Variants in ABCC6 observed in about 807,000 individuals in gnomAD.
The protein encoded by ABCC6 is ATP binding cassette subfamily C member 6, also known as ATP-binding cassette sub-family C member 6.
In ABCC6, 126 loss-of-function variants were observed where a neutral mutation model predicts 169.5. The ratio of observed to expected loss-of-function variants is 0.74; its 90% CI spans 0.64 to 0.86. ABCC6 has a LOEUF of 0.86. Among genes scored for constraint, ABCC6 ranks in the 40% least tolerant of loss-of-function variants. The probability of loss-of-function intolerance (pLI) is 0.00; values close to 1 mark genes in which losing one functional copy is unlikely to be tolerated. For missense variants in ABCC6, 1,733 were observed against 1,927.2 expected (o/e 0.90, Z 1.89); for synonymous variants, 752 against 814.7 (o/e 0.92, Z 1.31).
At chr16:16,179,561 G>A (rs996000878) in intron 17 of ABCC6, among the ~76,000 whole-genome samples, 1 of 151,994 alleles carries the variant, frequency 6.6e-6, no homozygotes, top group African/African-American at 2.4e-5. Flanking sequence ...TACGTTGATT[G>A]TGCACTTCTA....
chr16:16,206,120 G>C (rs1255973386), intron 7 of ABCC6, among the ~76,000 whole-genome samples: 2 of 152,216 alleles, frequency 1.3e-5, no homozygotes, highest in Admixed American at 1.3e-4. Context: ...GTTTAACCCA[G>C]AGAGTCAGTG....
At chr16:16,186,996 G>A in intron 14 of ABCC6, 128 bp downstream of exon 14, 1 of 780,450 alleles carries the variant, frequency 1.3e-6, no homozygotes, top group Non-Finnish European at 2.2e-6. Context: ...GGCGTGATCT[G>A]CACGTGTCAT....
chr16:16,222,189 T>C (rs2049095821), intron 1 of ABCC6, among the ~76,000 whole-genome samples: 1 of 151,940 alleles, frequency 6.6e-6, no homozygotes, highest in Non-Finnish European at 1.5e-5. Context: ...TTAATCCTTA[T>C]AACAACTCCA....
intron 10 of ABCC6, among the ~76,000 whole-genome samples, chr16:16,196,679 A>G (rs113236571): frequency 1.1e-3 from 169 of 152,180 alleles, no homozygotes; most frequent in African/African-American, 3.8e-3. Flanking sequence ...GCAGTTCCCG[A>G]TACAGAGTCT....
intron 11 of ABCC6, among the ~76,000 whole-genome samples, chr16:16,190,720 G>A (rs1413300782): frequency 6.6e-6 from 1 of 150,988 alleles, no homozygotes; most frequent in East Asian, 1.9e-4. Flanking sequence ...TTTTTGTGGA[G>A]TTGGGGTCTC....
Position 16,157,725 on chromosome 16 carries a change from A to C in ABCC6, c.3820T>G (p.Tyr1274Asp). ...ACAGCCAGCGGGAGCTCAGGTCGGT[A>C]TCTTAGCCCAAAGTCCCGGAACTCG... Reference protein sequence around the residue: ...QIEFRDFGLRYRPELPLAVQG... With the variant: ...QIEFRDFGLRDRPELPLAVQG... The change falls in exon 27 of 31, where the codon TAC becomes GAC. Residue 1274 changes from tyrosine to aspartate, a missense_variant. Physicochemically the swap from Tyr to Asp is radical, Grantham distance 160 (BLOSUM62 -3). Coordinates refer to ENST00000205557, the MANE Select transcript of ABCC6 (RefSeq NM_001171.6). The C allele has an allele frequency of 6.2e-7, 1 of 1,613,980 alleles. No homozygotes were observed. The highest frequency in any genetic ancestry group is 1.1e-5 in the South Asian group (1 of 91,074).
chr16:16,185,082 C>T lies in ABCC6; in HGVS notation c.1868-48G>A, dbSNP rs542693962. 9.5e-6 allele frequency: 15 copies of T among 1,574,162 alleles called. No homozygotes were observed. In the South Asian group the frequency reaches 1.3e-4, roughly 14 times the overall value. ...TACAGGAGACCCCTGACCTGGCCGGCCTCTGCATCGGAGAGGCCCCCAGGC... is the reference window on the plus strand; with the variant it reads ...TACAGGAGACCCCTGACCTGGCCGGTCTCTGCATCGGAGAGGCCCCCAGGC... On this transcript the variant is annotated intron_variant, in intron 14 of 30. Coordinates refer to ENST00000205557, the MANE Select transcript of ABCC6 (RefSeq NM_001171.6).
intron 29 of ABCC6, among the ~76,000 whole-genome samples, chr16:16,152,793 C>G (rs1170809515): frequency 1.3e-5 from 2 of 152,046 alleles, no homozygotes; most frequent in African/African-American, 4.8e-5. Flanking sequence ...ATACTCTTAC[C>G]CACCAAGCAA....
intron 13 of ABCC6, among the ~76,000 whole-genome samples, 175 bp from the exon 14 acceptor site, chr16:16,187,386 TTGA>T (rs2047684392): frequency 6.6e-6 from 1 of 152,314 alleles, no homozygotes; most frequent in East Asian, 1.9e-4. Flanking sequence ...AGTGGTGACC[TTGA>T]TGGTGGTGAT....
chr16:16,190,403 G>A (rs768557350), intron 11 of ABCC6, 36 bp from the exon 12 acceptor site: 2 of 1,611,164 alleles, frequency 1.2e-6, no homozygotes, highest in South Asian at 1.1e-5. Context: ...TGAAGACAGG[G>A]ACAGTTGAGA....
Position 16,150,200 on chromosome 16 carries a change from C to T in ABCC6, c.4445G>A (p.Ser1482Asn). 1 of 1,613,934 alleles carries T rather than the reference C, an allele frequency of 6.2e-7. No individual in the cohort carries two copies. Among genetic ancestry groups the T allele is most frequent in the African/African-American group, 1.3e-5 (1 of 75,044 alleles). ...MDKGQVAESGSPAQLLAQKGL... is the reference protein window; with the variant it reads ...MDKGQVAESGNPAQLLAQKGL... ...CTTCTGGGCCAGCAGCTGGGCCGGGCTGCCGCTCTCTGCCACCTGCCCCTT... is the reference window on the plus strand; with the variant it reads ...CTTCTGGGCCAGCAGCTGGGCCGGGTTGCCGCTCTCTGCCACCTGCCCCTT... Residue 1482 changes from serine (S) to asparagine (N), a missense_variant, in exon 31 of 31, where the codon AGC becomes AAC. Ser to Asn is a conservative substitution (Grantham distance 46). Around this residue, in one of 5 missense-constraint regions of ABCC6, gnomAD observed 1,601 missense variants for 1,635.5 expected, o/e 0.98. Coordinates refer to ENST00000205557, the MANE Select transcript of ABCC6 (RefSeq NM_001171.6).
At chr16:16,177,769 C>G (rs1391519317) in intron 18 of ABCC6, 143 bp from the exon 19 acceptor site, 2 of 963,176 alleles carry the variant, frequency 2.1e-6, no homozygotes. Context: ...ACGGCTAAGC[C>G]CCATCTCTAC....
chr16:16,221,866 C>T (rs1364338634), intron 1 of ABCC6, 35 bp from the exon 2 acceptor site: 2 of 1,612,234 alleles, frequency 1.2e-6, no homozygotes, highest in Admixed American at 3.3e-5. Flanking sequence ...TAGGATGGTA[C>T]AAGGCAGGGG....
intron 23 of ABCC6, among the ~76,000 whole-genome samples, chr16:16,164,183 G>C (rs553213812): frequency 6.6e-6 from 1 of 151,978 alleles, no homozygotes; most frequent in African/African-American, 2.4e-5. Context: ...ACAAGCATGC[G>C]CCACCACACT....
At chr16:16,153,448 G>A (rs1403787917) in intron 29 of ABCC6, among the ~76,000 whole-genome samples, 1 of 152,190 alleles carries the variant, frequency 6.6e-6, no homozygotes, top group East Asian at 1.9e-4. Context: ...CAAAAGGACA[G>A]ATCCTATGAT....
At chr16:16,167,499 C>T (rs2046914259) in intron 22 of ABCC6, among the ~76,000 whole-genome samples, 1 of 152,122 alleles carries the variant, frequency 6.6e-6, no homozygotes, top group African/African-American at 2.4e-5. Context: ...AGACGGAGTC[C>T]TGCTCTGTCA....
chr16:16,155,411 G>A lies in ABCC6; in HGVS notation c.3883-380C>T, dbSNP rs2046520250. The A allele has an allele frequency of 5.3e-5, 15 of 285,498 alleles. No homozygotes were observed. The South Asian group carries it at 8.4e-4, about 16-fold the overall frequency. 17.7% of individuals were successfully genotyped at this position (285,498 alleles called of 1,614,324 possible). A position where few individuals can be genotyped will look rare whatever the true frequency, so the allele number is the denominator to read the frequency against. On this transcript the variant is annotated intron_variant, in intron 27 of 30. Transcript: ENST00000205557. The stretch of plus-strand genomic sequence containing the variant: ...CTTATCCTTTTTTCCACCCCATCCT[G>A]CCATCCATCCATCCATCATCCATCC...
intron 29 of ABCC6, among the ~76,000 whole-genome samples, chr16:16,152,215 A>AAG (rs2046406534): frequency 6.8e-6 from 1 of 146,822 alleles, no homozygotes; most frequent in Non-Finnish European, 1.5e-5. Context: ...AAAAAAAAAA[A>AAG]GTGTGTAGGC....
intron 13 of ABCC6, among the ~76,000 whole-genome samples, chr16:16,187,940 TAA>T (rs1415376738): frequency 6.7e-6 from 1 of 149,890 alleles, no homozygotes; most frequent in Non-Finnish European, 1.5e-5. Context: ...AATAAATAAA[TAA>T]ATAAGGCGGC....
Sources: gnomAD v4.1 joint callset for allele counts (sites outside exome capture counted in the v4.1 genomes callset) on GRCh38, gnomAD v4.1.1 for gene constraint, gnomAD v4.1.1 regional missense constraint, MANE v1.5 for transcripts, NCBI Gene and HGNC (gene_info 2026-07-23, HGNC 2026-07-21) for gene names.